Variants in ERAP1 observed in about 807,000 individuals in gnomAD.
ERAP1 encodes adipocyte-derived leucine aminopeptidase.
A neutral mutation model predicts 103.7 loss-of-function variants in ERAP1; 86 were observed. That is an observed-to-expected ratio of 0.83 (90% CI 0.70 to 0.99). The LOEUF (loss-of-function observed/expected upper bound fraction) is 0.99. ERAP1 is among the 50% of genes least tolerant of loss of function. The pLI is 0.00. For synonymous variants in ERAP1, 398 were observed against 402.4 expected (o/e 0.99, Z 0.13); for missense variants, 1,009 against 1,128.4 (o/e 0.89, Z 1.52).
upstream of ERAP1, chr5:96,808,261 T>TGTGTGTGTGTGTG (rs1387638650): frequency 1.9e-4 from 162 of 837,628 alleles, no homozygotes; most frequent in East Asian, 1.4e-3. Flanking sequence ...TGTGTGTGTG[T>TGTGTGTGTGTGTG]TGAGATGCTT....
chr5:96,855,414 C>T, the ERAP1 span, among the ~76,000 whole-genome samples: 1 of 152,158 alleles, frequency 6.6e-6, no homozygotes. Flanking sequence ...TCACAGGATA[C>T]ATTGTCTATA....
Position 96,775,961 on chromosome 5 carries a change from A to G in ERAP1, c.*435T>C. 4.8e-6 allele frequency: 5 copies of G among 1,042,352 alleles called. No homozygotes were observed. The highest frequency in any genetic ancestry group is 5.8e-6 in the Non-Finnish European group (5 of 861,942). 64.6% of individuals were successfully genotyped at this position (1,042,352 alleles called of 1,614,324 possible). On this transcript the variant is annotated 3_prime_UTR_variant, in exon 19 of 19. Coordinates refer to ENST00000443439, the MANE Select transcript of ERAP1 (RefSeq NM_001040458.3). ...CGGGTCTGGAGGGGTGAGCCGGGAG[A>G]GCTTTAACCCAGTCATCGTCCGGCT...
chr5:96,783,836 C>T (rs1315891581), intron 14 of ERAP1, 88 bp downstream of exon 14: 2 of 757,638 alleles, frequency 2.6e-6, no homozygotes. Flanking sequence ...CACACACACA[C>T]ACACACACAC....
intron 13 of ERAP1, 140 bp downstream of exon 13, chr5:96,785,646 CTT>C: frequency 1.2e-6 from 1 of 850,928 alleles, no homozygotes. Context: ...TAAAAGCAAT[CTT>C]GGGTTGTTAG....
the ERAP1 span, among the ~76,000 whole-genome samples, chr5:96,924,940 T>C: frequency 6.6e-6 from 1 of 152,202 alleles, no homozygotes; most frequent in Non-Finnish European, 1.5e-5. Context: ...CTGACTTTTA[T>C]GGAAGAAAGG....
the ERAP1 span, among the ~76,000 whole-genome samples, chr5:96,914,058 A>T: frequency 1.3e-5 from 2 of 152,128 alleles, no homozygotes; most frequent in South Asian, 4.1e-4. Flanking sequence ...TGGATCTAAA[A>T]TATCCCTCAG....
At position 96,775,544 on chromosome 5, in the gene ERAP1, A is replaced by AGTGTC; in HGVS notation, c.*851_*852insGACAC. 1.0e-6 allele frequency: 1 copy of AGTGTC among 968,336 alleles called. No homozygotes were observed. Among genetic ancestry groups the AGTGTC allele is most frequent in the Non-Finnish European group, 1.2e-6 (1 of 814,292 alleles). The allele number at this position is 968,336 out of a possible 1,614,324, so 60.0% of individuals were successfully genotyped here. A position where few individuals can be genotyped will look rare whatever the true frequency, so the allele number is the denominator to read the frequency against. On this transcript the variant is annotated 3_prime_UTR_variant, in exon 19 of 19. Transcript: ENST00000443439. ...AGGGAAATAGATGACACTCACTCAG[A>AGTGTC]ATTATCTGAGGAGGGTTCTATAAAA...
chr5:96,839,176 T>C, the ERAP1 span, among the ~76,000 whole-genome samples: 2 of 152,260 alleles, frequency 1.3e-5, no homozygotes, highest in Admixed American at 1.3e-4. Context: ...CTGGAGGACA[T>C]GTCATCCTTG....
chr5:96,865,585 A>G, the ERAP1 span, among the ~76,000 whole-genome samples: 2 of 152,330 alleles, frequency 1.3e-5, no homozygotes, highest in East Asian at 3.9e-4. Context: ...CAGCAGTGGA[A>G]AATAAATACA....
chr5:96,888,285 A>T, the ERAP1 span, among the ~76,000 whole-genome samples: 1 of 152,344 alleles, frequency 6.6e-6, no homozygotes, highest in Non-Finnish European at 1.5e-5. Flanking sequence ...TTAGACATGG[A>T]TGTCTATGCA....
chr5:96,902,149 C>A, the ERAP1 span: 3 of 602,660 alleles, frequency 5.0e-6, no homozygotes, highest in South Asian at 2.4e-5. Flanking sequence ...TTTATAAGAC[C>A]ACTTGTGGGT....
chr5:96,874,180 A>AAGAAAGAGAGAGAG, the ERAP1 span, among the ~76,000 whole-genome samples: 6 of 82,250 alleles, frequency 7.3e-5, no homozygotes, highest in African/African-American at 2.3e-4. Flanking sequence ...GAAAGAAAGA[A>AAGAAAGAGAGAGAG]AGAGAGAGAG....
downstream of ERAP1, among the ~76,000 whole-genome samples, chr5:96,771,054 G>GCT (rs1224283917): frequency 6.6e-6 from 1 of 152,118 alleles, no homozygotes. Flanking sequence ...ATAAGGAGGA[G>GCT]TTAAAGGTGT....
chr5:96,921,138 ATC>A, the ERAP1 span, among the ~76,000 whole-genome samples: 1 of 152,172 alleles, frequency 6.6e-6, no homozygotes. Flanking sequence ...GGGCTTTGTC[ATC>A]TGTCCCCAGC....
chr5:96,780,520 T>C lies in ERAP1; in HGVS notation c.2589-16A>G, dbSNP rs773911366. The C allele has an allele frequency of 1.3e-6, 2 of 1,588,348 alleles. No homozygotes were observed. Among genetic ancestry groups the C allele is most frequent in the Non-Finnish European group, 8.6e-7 (1 of 1,156,664 alleles). ...AAGTTCAAACCTAGAGAGGGAAATA[T>C]TCAAAAACGGGTTGTGAAATACTTA... On this transcript the variant is annotated splice_polypyrimidine_tract_variant and intron_variant, in intron 17 of 18. Coordinates refer to ENST00000443439, the MANE Select transcript of ERAP1 (RefSeq NM_001040458.3).
the ERAP1 span, among the ~76,000 whole-genome samples, chr5:96,825,172 T>C: frequency 6.6e-6 from 1 of 152,246 alleles, no homozygotes; most frequent in Non-Finnish European, 1.5e-5. Flanking sequence ...CTACAAATTT[T>C]GATAGGCTGT....
chr5:96,847,694 G>A, the ERAP1 span, among the ~76,000 whole-genome samples: 1 of 152,154 alleles, frequency 6.6e-6, no homozygotes, highest in East Asian at 1.9e-4. Flanking sequence ...CAATTATGTG[G>A]AAATTAAACA....
chr5:96,837,410 C>G, the ERAP1 span, among the ~76,000 whole-genome samples: 1 of 152,202 alleles, frequency 6.6e-6, no homozygotes, highest in Non-Finnish European at 1.5e-5. Context: ...TTCCCCGACC[C>G]CTTCGTGGGC....
the ERAP1 span, among the ~76,000 whole-genome samples, chr5:96,820,739 A>G: frequency 6.6e-6 from 1 of 152,144 alleles, no homozygotes; most frequent in African/African-American, 2.4e-5. Flanking sequence ...GTTTTGTGCC[A>G]TGTTTGATAT....
Sources: allele counts gnomAD v4.1 joint callset (sites outside exome capture counted in the v4.1 genomes callset), GRCh38; gene constraint gnomAD v4.1.1; transcripts MANE v1.5; gene names NCBI Gene and HGNC (gene_info 2026-07-23, HGNC 2026-07-21).